Variants in RBFOX1 observed in about 807,000 individuals in gnomAD.
RBFOX1 encodes RNA binding protein fox-1 homolog 1.
Under a neutral mutation model 57.7 loss-of-function variants are expected in RBFOX1, and 8 were observed. The ratio of observed to expected loss-of-function variants is 0.14; its 90% CI spans 0.08 to 0.25. RBFOX1 has a LOEUF of 0.25. RBFOX1 is among the 10% of genes least tolerant of loss of function. The pLI, the probability that RBFOX1 is intolerant of heterozygous loss-of-function variation, is 1.00. For synonymous variants in RBFOX1, 326 were observed against 222.4 expected (o/e 1.47, Z -4.15); for missense variants, 611 against 548.5 (o/e 1.11, Z -1.14).
intron 2 of RBFOX1, among the ~76,000 whole-genome samples, chr16:6,519,091 C>G (rs2096449970): frequency 6.6e-6 from 1 of 151,808 alleles, no homozygotes; most frequent in African/African-American, 2.4e-5. Context: ...ATCGTATGCA[C>G]AAAGTGGAAA....
At chr16:6,802,199 G>A (rs963993945) in intron 3 of RBFOX1, among the ~76,000 whole-genome samples, 1 of 152,104 alleles carries the variant, frequency 6.6e-6, no homozygotes, top group Non-Finnish European at 1.5e-5. Flanking sequence ...AGCCTTTGTA[G>A]ATGGGCTCTG....
chr16:6,804,773 G>A (rs563595711), intron 3 of RBFOX1, among the ~76,000 whole-genome samples: 104 of 152,252 alleles, frequency 6.8e-4, no homozygotes, highest in Non-Finnish European at 1.3e-3. Context: ...ATTGGGGGCC[G>A]TTCCCTACTC....
intron 3 of RBFOX1, among the ~76,000 whole-genome samples, chr16:5,665,032 A>C: frequency 6.9e-6 from 1 of 145,840 alleles, no homozygotes; most frequent in South Asian, 2.2e-4. Context: ...GCAGCCCTCT[A>C]CCTCCCATGC....
At chr16:7,492,967 C>A (rs1424139488) in intron 4 of RBFOX1, among the ~76,000 whole-genome samples, 1 of 152,178 alleles carries the variant, frequency 6.6e-6, no homozygotes. Context: ...CAACCTCCGC[C>A]TCCCAGGTTC....
At chr16:6,211,430 G>C (rs375585693) in intron 1 of RBFOX1, among the ~76,000 whole-genome samples, 23 of 151,700 alleles carry the variant, frequency 1.5e-4, no homozygotes, top group African/African-American at 5.6e-4. Flanking sequence ...GGGTTTCTTC[G>C]TGTTAGCCAG....
chr16:6,846,355 G>A (rs1243825496), intron 3 of RBFOX1, among the ~76,000 whole-genome samples: 1 of 152,174 alleles, frequency 6.6e-6, no homozygotes. Context: ...ACTTAACGCA[G>A]GGTGGCTTCC....
intron 4 of RBFOX1, among the ~76,000 whole-genome samples, chr16:7,257,285 C>G (rs1188921843): frequency 2.0e-5 from 3 of 152,304 alleles, no homozygotes; most frequent in East Asian, 1.9e-4. Flanking sequence ...AGTATCATTT[C>G]TTTCCCAGAA....
intron 2 of RBFOX1, among the ~76,000 whole-genome samples, chr16:6,641,817 C>T (rs891907481): frequency 4.8e-5 from 7 of 147,234 alleles, no homozygotes; most frequent in African/African-American, 1.3e-4. Flanking sequence ...GGCCTTGTTG[C>T]TCTGGGACTT....
chr16:6,806,833 TATA>T lies in RBFOX1; in HGVS notation c.-16+152184_-16+152186del, dbSNP rs1437473990. Among the ~76,000 whole-genome samples, 72 of 75,236 alleles carry T rather than the reference TATA, an allele frequency of 9.6e-4. 1 individual carries two copies. The highest frequency in any genetic ancestry group is 1.7e-3 in the Non-Finnish European group (62 of 36,914). The allele number at this position is 75,236 out of a possible 152,430, so 49.4% of individuals were successfully genotyped here. ...AAATATATAAATATATATATATATA[TATA>T]TTTTTTTTTTTTTTTGAGAGAAAGT... On this transcript the variant is annotated intron_variant, in intron 3 of 15. Transcript: ENST00000550418.
chr16:7,289,066 A>C (rs76204438), intron 4 of RBFOX1, among the ~76,000 whole-genome samples: 6,016 of 152,226 alleles, frequency 0.04, 197 homozygotes, highest in East Asian at 0.13. Flanking sequence ...ATTAACATCC[A>C]ACAGAGTTAC....
chr16:6,763,312 A>G (rs529985209), intron 3 of RBFOX1, among the ~76,000 whole-genome samples: 37 of 133,812 alleles, frequency 2.8e-4, no homozygotes, highest in Admixed American at 4.9e-4. Context: ...ACCATTTACC[A>G]GTATAGGGTC....
At chr16:7,234,205 C>A (rs563111458) in intron 4 of RBFOX1, among the ~76,000 whole-genome samples, 60 of 152,136 alleles carry the variant, frequency 3.9e-4, no homozygotes, top group African/African-American at 1.4e-3. Context: ...TGCAGAGGGA[C>A]AGTGAGGGCT....
At chr16:5,443,866 C>G (rs916859090) in intron 1 of RBFOX1, among the ~76,000 whole-genome samples, 2 of 152,190 alleles carry the variant, frequency 1.3e-5, no homozygotes, top group East Asian at 1.9e-4. Context: ...TTTTTTTCCC[C>G]TTCTTTTTAA....
At chr16:5,921,876 G>C (rs2058830088) in intron 4 of RBFOX1, among the ~76,000 whole-genome samples, 1 of 152,042 alleles carries the variant, frequency 6.6e-6, no homozygotes, top group Non-Finnish European at 1.5e-5. Flanking sequence ...GATAGGCCAG[G>C]TGTGGTGGCT....
rs936714541 is a variant in RBFOX1 at position 6,782,942 on chromosome 16, C to G, written c.-16+128292C>G. Reference sequence around the variant, plus strand: ...ATTAGGTTTATATATATTTACAGTTCTTATATCCTGTTGCTGAGTTGACTT... The same window carrying G: ...ATTAGGTTTATATATATTTACAGTTGTTATATCCTGTTGCTGAGTTGACTT... On this transcript the variant is annotated intron_variant, in intron 3 of 15. Coordinates refer to ENST00000550418, the MANE Select transcript of RBFOX1 (RefSeq NM_018723.4). Among the ~76,000 whole-genome samples, 7 of 151,958 alleles carry G rather than the reference C, an allele frequency of 4.6e-5. No individual in the cohort carries two copies. In the East Asian group the frequency reaches 1.2e-3, roughly 25 times the overall value.
At chr16:5,432,840 C>T (rs1163616548) in intron 1 of RBFOX1, among the ~76,000 whole-genome samples, 3 of 151,950 alleles carry the variant, frequency 2.0e-5, no homozygotes, top group African/African-American at 7.3e-5. Flanking sequence ...GGTTGGAGTG[C>T]AGTGGCGCAA....
At chr16:5,303,621 C>T (rs151094068) in intron 1 of RBFOX1, among the ~76,000 whole-genome samples, 1 of 152,088 alleles carries the variant, frequency 6.6e-6, no homozygotes, top group Non-Finnish European at 1.5e-5. Flanking sequence ...GCGCTTGGGT[C>T]CCTTCCTCTC....
intron 3 of RBFOX1, among the ~76,000 whole-genome samples, chr16:6,893,160 C>T (rs775315526): frequency 2.6e-5 from 4 of 152,058 alleles, no homozygotes; most frequent in Admixed American, 6.5e-5. Context: ...ACAGCTCTTT[C>T]ACCTCATTTT....
At chr16:6,447,668 G>C (rs921942519) in intron 2 of RBFOX1, among the ~76,000 whole-genome samples, 4 of 152,162 alleles carry the variant, frequency 2.6e-5, no homozygotes, top group Non-Finnish European at 5.9e-5. Flanking sequence ...AAAGTTTGCT[G>C]ATAACAAGCG....
Sources: gnomAD v4.1 joint callset for allele counts (sites outside exome capture counted in the v4.1 genomes callset) on GRCh38, gnomAD v4.1.1 for gene constraint, MANE v1.5 for transcripts, NCBI Gene and HGNC (gene_info 2026-07-23, HGNC 2026-07-21) for gene names.